The following KDM5A variants were observed in gnomAD, a reference collection of about 807,000 sequenced individuals.
The protein encoded by KDM5A is lysine-specific demethylase 5A.
In KDM5A, 42 loss-of-function variants were observed where a neutral mutation model predicts 193.5. The observed-to-expected ratio is 0.22, with a 90% CI of 0.17 to 0.28. KDM5A has a LOEUF of 0.28. Ranked by LOEUF, KDM5A falls within the 10% of genes least tolerant of loss-of-function variation. KDM5A has a pLI of 1.00. For missense variants in KDM5A, 1,692 were observed against 2,055.1 expected (o/e 0.82, Z 3.42); for synonymous variants, 796 against 718.1 (o/e 1.11, Z -1.73).
chr12:299,369 CA>C (rs1220409664), intron 24 of KDM5A, among the ~76,000 whole-genome samples: 9 of 152,258 alleles, frequency 5.9e-5, no homozygotes, highest in African/African-American at 2.2e-4. Context: ...CTCTACAAGC[CA>C]AAAGAGAGTG....
chr12:342,790 A>AC (rs1436402275), intron 10 of KDM5A, among the ~76,000 whole-genome samples: 1 of 151,986 alleles, frequency 6.6e-6, no homozygotes, highest in African/African-American at 2.4e-5. Context: ...AAAAAAAAAA[A>AC]AAACCTGGGG....
At chr12:323,498 A>G in intron 15 of KDM5A, 102 bp downstream of exon 15, 1 of 1,212,850 alleles carries the variant, frequency 8.2e-7, no homozygotes, top group Non-Finnish European at 1.2e-6. Context: ...TGAAGTTTAG[A>G]AGTCCAGAGT....
rs531132523 is a variant in KDM5A, at chr12:285,476, C to T, written c.5053G>A (p.Asp1685Asn). 1 of 1,613,972 alleles carries T rather than the reference C, an allele frequency of 6.2e-7. No homozygotes were observed. The highest frequency in any genetic ancestry group is 8.5e-7 in the Non-Finnish European group (1 of 1,179,904). The change falls in exon 28 of 28, where the codon GAT (aspartate) becomes AAT (asparagine). Residue 1685 changes from aspartate (D) to asparagine (N), a missense_variant. Coordinates refer to ENST00000399788, the MANE Select transcript of KDM5A (RefSeq NM_001042603.3). ...FIMSYKLPME[D>N]LKETS ...ATCTGCTAACTGGTCTCTTTAAGATCCTCCATTGGTAGTTTGTAGCTCATT... is the reference window on the plus strand; with the variant it reads ...ATCTGCTAACTGGTCTCTTTAAGATTCTCCATTGGTAGTTTGTAGCTCATT...
intron 10 of KDM5A, among the ~76,000 whole-genome samples, chr12:344,838 C>T (rs918994358): frequency 1.3e-5 from 2 of 152,144 alleles, no homozygotes; most frequent in Non-Finnish European, 2.9e-5. Flanking sequence ...ACCATCAATG[C>T]TATGAAGAAA....
chr12:342,459 T>TG (rs973593081), intron 10 of KDM5A, among the ~76,000 whole-genome samples: 2 of 152,052 alleles, frequency 1.3e-5, no homozygotes, highest in African/African-American at 4.8e-5. Flanking sequence ...CAATAAAATG[T>TG]GTTTTTTTTT....
chr12:293,248 A>T, intron 26 of KDM5A, 79 bp from the exon 27 acceptor site: 1 of 1,201,106 alleles, frequency 8.3e-7, no homozygotes. Context: ...TGAGGTACCT[A>T]GAATAGACAC....
At chr12:384,197 G>A (rs1211043127) in intron 2 of KDM5A, 44 bp from the exon 3 acceptor site, 1 of 1,448,814 alleles carries the variant, frequency 6.9e-7, no homozygotes. Flanking sequence ...TGATTGAAAT[G>A]AATAAGAATA....
Position 352,273 on chromosome 12 carries a change from A to G in KDM5A, c.1081T>C (p.Tyr361His). ...AFGFEQAVRE[Y>H]TLQSFGEMAD... ...ATCTCTCCAAAGCTCTGAAGTGTAT[A>G]CTCTCGTACAGCTTGTTCAAATCCA... Residue 361 changes from tyrosine (Y) to histidine (H), a missense_variant, in exon 9 of 28, where the codon TAT (tyrosine) becomes CAT (histidine). Physicochemically the swap from Tyr to His is moderately conservative, Grantham distance 83 (BLOSUM62 2). Coordinates refer to ENST00000399788, the MANE Select transcript of KDM5A (RefSeq NM_001042603.3). 6.2e-7 allele frequency: 1 copy of G among 1,612,346 alleles called. No individual in the cohort carries two copies. The highest frequency in any genetic ancestry group is 8.5e-7 in the Non-Finnish European group (1 of 1,178,478).
In KDM5A at chr12:313,124, T is replaced by C; in HGVS notation, c.2968A>G (p.Asn990Asp). Residue 990 changes from asparagine (N) to aspartate (D), a missense_variant, in exon 20 of 28, where the codon AAT becomes GAT. Physicochemically the swap from Asn to Asp is conservative, Grantham distance 23. This residue lies in a region of KDM5A where 965 missense variants were observed against 1,061.0 expected (regional missense o/e 0.91). Transcript: ENST00000399788. Reference protein sequence around the residue: ...EAKNIPAFLPNVLSLKEALQK... With the variant: ...EAKNIPAFLPDVLSLKEALQK... ...AAGGCTTCTTTCAAGGACAACACAT[T>C]GGGTAGAAAGGCTGGAATGTTCTTG... 6.2e-7 allele frequency: 1 copy of C among 1,614,108 alleles called. No individual in the cohort carries two copies.
rs1363849540 is a variant in KDM5A, at chr12:362,832, A to T, written c.672+131T>A. On this transcript the variant is annotated intron_variant, in intron 5 of 27. Coordinates refer to ENST00000399788, the MANE Select transcript of KDM5A (RefSeq NM_001042603.3). ...GCCCATGAGCCAGGCACAGCAGCGCATACCAACCAGCAATACTCAAGAGGC... is the reference window on the plus strand; with the variant it reads ...GCCCATGAGCCAGGCACAGCAGCGCTTACCAACCAGCAATACTCAAGAGGC... 1.9e-5 allele frequency: 15 copies of T among 803,646 alleles called. No homozygotes were observed. The East Asian group carries it at 3.9e-4, about 21-fold the overall frequency. The allele number at this position is 803,646 out of a possible 1,614,324, so 49.8% of individuals were successfully genotyped here. A position where few individuals can be genotyped will look rare whatever the true frequency, so the allele number is the denominator to read the frequency against.
At chr12:340,450 C>G (rs1943988059) in intron 10 of KDM5A, among the ~76,000 whole-genome samples, 1 of 152,074 alleles carries the variant, frequency 6.6e-6, no homozygotes, top group African/African-American at 2.4e-5. Flanking sequence ...AATCCCAGCA[C>G]TTTGGGAGGC....
At chr12:295,346 GAAAGAA>G in intron 26 of KDM5A, among the ~76,000 whole-genome samples, 1 of 151,370 alleles carries the variant, frequency 6.6e-6, no homozygotes, top group East Asian at 1.9e-4. Context: ...GAAAGAGAGA[GAAAGAA>G]AGAGAAAGAG....
At chr12:295,889 C>A in intron 25 of KDM5A, 96 bp from the exon 26 acceptor site, 1 of 957,406 alleles carries the variant, frequency 1.0e-6, no homozygotes, top group Non-Finnish European at 1.7e-6. Context: ...CCCCCATCCC[C>A]CAATACTAAC....
intron 19 of KDM5A, 26 bp downstream of exon 19, chr12:318,080 G>A: frequency 6.5e-7 from 1 of 1,538,208 alleles, no homozygotes; most frequent in Non-Finnish European, 9.0e-7. Flanking sequence ...TTGTTAAAGA[G>A]GCAACTGTCA....
At position 321,096 on chromosome 12, in the gene KDM5A, T is replaced by C. The variant is rs774736780; in HGVS notation, c.2440A>G (p.Ser814Gly). ...KKQKHRQSPD[S>G]GRTRTKLTVE... ...GTCAGTTTGGTCCGAGTCCTCCCAC[T>C]ATCTGGGCTCTGTCTGATGTGAAAT... The change falls in exon 18 of 28, where the codon AGT (serine) becomes GGT (glycine). Residue 814 changes from serine to glycine, a missense_variant. This residue lies in a region of KDM5A where 965 missense variants were observed against 1,061.0 expected (regional missense o/e 0.91). Coordinates refer to ENST00000399788, the MANE Select transcript of KDM5A (RefSeq NM_001042603.3). The C allele has an allele frequency of 2.5e-6, 4 of 1,612,502 alleles. No homozygotes were observed. The South Asian group carries it at 3.3e-5, about 13-fold the overall frequency.
chr12:359,221 A>G (rs1944263990), intron 5 of KDM5A, among the ~76,000 whole-genome samples: 1 of 152,174 alleles, frequency 6.6e-6, no homozygotes, highest in Admixed American at 6.5e-5. Context: ...ATCACTTTTT[A>G]AAAATTTATT....
chr12:297,879 G>C (rs559551687), intron 24 of KDM5A, among the ~76,000 whole-genome samples: 2 of 152,302 alleles, frequency 1.3e-5, no homozygotes, highest in East Asian at 1.9e-4. Context: ...AAAGCAGCCA[G>C]ACCTCGTTCT....
chr12:356,118 C>T (rs1010682154), intron 6 of KDM5A, among the ~76,000 whole-genome samples: 7 of 152,292 alleles, frequency 4.6e-5, no homozygotes, highest in African/African-American at 1.7e-4. Context: ...CTTTAGCTCA[C>T]GAGGTAAGAA....
intron 10 of KDM5A, among the ~76,000 whole-genome samples, chr12:347,057 C>T (rs1342736646): frequency 2.6e-5 from 4 of 152,198 alleles, no homozygotes; most frequent in Non-Finnish European, 5.9e-5. Flanking sequence ...TGATAAGCAA[C>T]TTCAGCAAAG....
Sources: allele counts gnomAD v4.1 joint callset (sites outside exome capture counted in the v4.1 genomes callset), GRCh38; gene constraint gnomAD v4.1.1; regional missense constraint gnomAD v4.1.1; transcripts MANE v1.5; gene names NCBI Gene and HGNC (gene_info 2026-07-23, HGNC 2026-07-21).